The following IMPG2 variants were observed in gnomAD, a reference collection of about 807,000 sequenced individuals.
IMPG2 encodes the protein IPM 200.
A neutral mutation model predicts 129.2 loss-of-function variants in IMPG2; 91 were observed. That is an observed-to-expected ratio of 0.70 (90% confidence interval 0.59 to 0.84). The LOEUF (loss-of-function observed/expected upper bound fraction) is 0.84. IMPG2 is among the 40% of genes least tolerant of loss of function. IMPG2 has a pLI of 0.00. For missense variants in IMPG2, 1,430 were observed against 1,461.7 expected (o/e 0.98, Z 0.35); for synonymous variants, 510 against 517.7 (o/e 0.99, Z 0.20).
At chr3:101,258,057 C>T (rs933999484) in intron 9 of IMPG2, among the ~76,000 whole-genome samples, 1 of 152,070 alleles carries the variant, frequency 6.6e-6, no homozygotes, top group African/African-American at 2.4e-5. Context: ...TCTCACTTCT[C>T]CTATCCTCTT....
In IMPG2 at chr3:101,272,312, G is replaced by C. The variant is rs151042627; in HGVS notation, c.828+1269C>G. On this transcript the variant is annotated intron_variant, in intron 7 of 18. Coordinates refer to ENST00000193391, the MANE Select transcript of IMPG2 (RefSeq NM_016247.4). ...TGAGACATGATCCCCTGCCTCTGCT[G>C]TTTCATGCAAAGTGACTGTTGGTAG... Among the ~76,000 whole-genome samples the C allele has an allele frequency of 3.6e-3, 550 of 152,248 alleles. 5 individuals carry two copies. Among genetic ancestry groups the C allele is most frequent in the African/African-American group, 0.013 (528 of 41,558 alleles).
chr3:101,304,397 C>T (rs988241532), intron 2 of IMPG2, 85 bp from the exon 3 acceptor site: 1 of 1,241,338 alleles, frequency 8.1e-7, no homozygotes, highest in East Asian at 2.4e-5. Context: ...CGTACAGATT[C>T]CTTGAGACAC....
chr3:101,285,902 C>T (rs1483994434), intron 4 of IMPG2, among the ~76,000 whole-genome samples: 2 of 152,208 alleles, frequency 1.3e-5, no homozygotes, highest in East Asian at 3.9e-4. Context: ...CATTTAAATA[C>T]TTCTTTTCAT....
chr3:101,242,146 G>C (rs1372567029), intron 14 of IMPG2, among the ~76,000 whole-genome samples: 1 of 152,132 alleles, frequency 6.6e-6, no homozygotes, highest in Non-Finnish European at 1.5e-5. Context: ...TTTAGCTGGA[G>C]AGTGGTGAGA....
At chr3:101,283,130 C>T (rs952683408) in intron 4 of IMPG2, among the ~76,000 whole-genome samples, 1 of 152,152 alleles carries the variant, frequency 6.6e-6, no homozygotes, top group African/African-American at 2.4e-5. Flanking sequence ...TCAAGCTATT[C>T]TCCTGCCTTA....
rs568528996 is a variant in IMPG2 at position 101,279,662 on chromosome 3, A to G, written c.534-2949T>C. Among the ~76,000 whole-genome samples the G allele has an allele frequency of 2.0e-5, 3 of 152,356 alleles. No homozygotes were observed. In the East Asian group the frequency reaches 5.8e-4, roughly 29 times the overall value. On this transcript the variant is annotated intron_variant, in intron 4 of 18. Coordinates refer to ENST00000193391, the MANE Select transcript of IMPG2 (RefSeq NM_016247.4). ...GAATAGGATGTTGCAATGAGGTAGC[A>G]GAGAAACCGGACTTCACCTGGGGTG...
chr3:101,247,455 G>A (rs1479523173), intron 11 of IMPG2, among the ~76,000 whole-genome samples: 1 of 152,116 alleles, frequency 6.6e-6, no homozygotes, highest in African/African-American at 2.4e-5. Context: ...AAATTAGCTG[G>A]GTGTGGTGGC....
intron 4 of IMPG2, among the ~76,000 whole-genome samples, chr3:101,287,050 C>A (rs1181964817): frequency 6.6e-6 from 1 of 152,132 alleles, no homozygotes; most frequent in African/African-American, 2.4e-5. Flanking sequence ...AAGCACAGAT[C>A]TAAATTTTTC....
intron 9 of IMPG2, among the ~76,000 whole-genome samples, chr3:101,262,773 A>C (rs910874888): frequency 2.1e-4 from 32 of 151,514 alleles, no homozygotes; most frequent in African/African-American, 7.0e-4. Flanking sequence ...AGGATAACAA[A>C]AAAAAAAAAA....
At chr3:101,308,181 C>T (rs371331876) in intron 2 of IMPG2, among the ~76,000 whole-genome samples, 1 of 152,186 alleles carries the variant, frequency 6.6e-6, no homozygotes, top group Non-Finnish European at 1.5e-5. Flanking sequence ...TTTTCAGGTG[C>T]ATGGTGCAAG....
intron 6 of IMPG2, among the ~76,000 whole-genome samples, chr3:101,274,712 T>A (rs1397839627): frequency 6.6e-6 from 1 of 152,252 alleles, no homozygotes; most frequent in Non-Finnish European, 1.5e-5. Context: ...TAAAGTGAAT[T>A]ATATCTCATT....
intron 8 of IMPG2, among the ~76,000 whole-genome samples, chr3:101,267,778 G>A (rs1467583045): frequency 6.6e-6 from 1 of 152,042 alleles, no homozygotes; most frequent in African/African-American, 2.4e-5. Context: ...TTCACATATG[G>A]TTATTTCTTC....
intron 14 of IMPG2, among the ~76,000 whole-genome samples, chr3:101,241,452 T>A (rs115504322): frequency 0.011 from 1,665 of 152,228 alleles, 34 homozygotes; most frequent in African/African-American, 0.038. Context: ...AGAGGTTAGT[T>A]ACATTGGATA....
intron 6 of IMPG2, among the ~76,000 whole-genome samples, chr3:101,274,195 AT>A (rs1706818524): frequency 6.6e-6 from 1 of 152,120 alleles, no homozygotes; most frequent in East Asian, 1.9e-4. Context: ...TTTCAAAAAA[AT>A]AATAAATAAA....
At chr3:101,285,471 G>GA (rs555386984) in intron 4 of IMPG2, among the ~76,000 whole-genome samples, 85 of 152,270 alleles carry the variant, frequency 5.6e-4, no homozygotes, top group Middle Eastern at 3.4e-3. Context: ...TATTTAAAGT[G>GA]AAACAACCAA....
rs577419023 is a variant in IMPG2, at chr3:101,319,554, T to C, written c.334+30A>G. The C allele has an allele frequency of 8.1e-6, 13 of 1,611,838 alleles. No individual in the cohort carries two copies. In the South Asian group the frequency reaches 9.9e-5, roughly 12 times the overall value. On this transcript the variant is annotated intron_variant, in intron 2 of 18. Coordinates refer to ENST00000193391, the MANE Select transcript of IMPG2 (RefSeq NM_016247.4). Reference sequence around the variant, plus strand: ...ATTAAACTATGTTTGAATTTCATTATGGAGCTGAAGGATTTGGATGTTCGC... The same window carrying C: ...ATTAAACTATGTTTGAATTTCATTACGGAGCTGAAGGATTTGGATGTTCGC...
intron 11 of IMPG2, among the ~76,000 whole-genome samples, chr3:101,251,395 AT>A (rs1366224739): frequency 6.6e-6 from 1 of 152,016 alleles, no homozygotes; most frequent in Non-Finnish European, 1.5e-5. Context: ...CAGGATAAAT[AT>A]TCCCTAAAAA....
chr3:101,235,530 T>C (rs1453832284), intron 14 of IMPG2, among the ~76,000 whole-genome samples: 1 of 152,194 alleles, frequency 6.6e-6, no homozygotes, highest in Non-Finnish European at 1.5e-5. Flanking sequence ...GAAAAAGATA[T>C]AGCCATAGGA....
intron 5 of IMPG2, among the ~76,000 whole-genome samples, chr3:101,276,356 C>T (rs190048826): frequency 6.6e-6 from 1 of 152,238 alleles, no homozygotes; most frequent in East Asian, 1.9e-4. Flanking sequence ...AATGGTTCTA[C>T]GTTTTGACAT....
Sources: gnomAD v4.1 joint callset for allele counts (sites outside exome capture counted in the v4.1 genomes callset) on GRCh38, gnomAD v4.1.1 for gene constraint, MANE v1.5 for transcripts, NCBI Gene and HGNC (gene_info 2026-07-23, HGNC 2026-07-21) for gene names.